CCNY: variants seen among roughly 807,000 people sequenced by gnomAD.
CCNY encodes cyclin-Y.
A neutral mutation model predicts 42.8 loss-of-function variants in CCNY; 19 were observed. The observed-to-expected ratio is 0.44, with a 90% CI of 0.31 to 0.65. The LOEUF (loss-of-function observed/expected upper bound fraction) is 0.65. Ranked by LOEUF, CCNY falls within the 30% of genes least tolerant of loss-of-function variation. The probability of loss-of-function intolerance (pLI) is 0.07; values close to 1 mark genes in which losing one functional copy is unlikely to be tolerated. For synonymous variants in CCNY, 165 were observed against 162.7 expected, an observed-to-expected ratio of 1.01 and a Z score of -0.11; for missense variants, 370 against 437.3, an observed-to-expected ratio of 0.85 and a Z score of 1.37.
intron 1 of CCNY, among the ~76,000 whole-genome samples, chr10:35,397,745 A>G (rs1370167440): frequency 6.6e-6 from 1 of 152,166 alleles, no homozygotes; most frequent in Non-Finnish European, 1.5e-5. Flanking sequence ...ATGGAGCTCT[A>G]TCAGAAATGG....
At chr10:35,273,811 C>CACAA (rs2135046111) in intron 3 of CCNY, among the ~76,000 whole-genome samples, 1 of 152,270 alleles carries the variant, frequency 6.6e-6, no homozygotes, top group African/African-American at 2.4e-5. Flanking sequence ...CTGGGCTTAC[C>CACAA]ACAAACTCCC....
At chr10:35,456,779 A>AAT (rs1448569034) in intron 1 of CCNY, among the ~76,000 whole-genome samples, 2 of 152,190 alleles carry the variant, frequency 1.3e-5, no homozygotes, top group African/African-American at 4.8e-5. Context: ...TTTCCCTTAA[A>AAT]ATATATATCA....
chr10:35,270,728 CT>C (rs11411285), intron 3 of CCNY, among the ~76,000 whole-genome samples: 78 of 124,722 alleles, frequency 6.3e-4, no homozygotes, highest in South Asian at 1.0e-3. Flanking sequence ...TTTTTTTTTT[CT>C]TTTTTTTTTT....
At chr10:35,474,242 G>C (rs958927039) in intron 1 of CCNY, among the ~76,000 whole-genome samples, 2 of 152,210 alleles carry the variant, frequency 1.3e-5, no homozygotes, top group African/African-American at 4.8e-5. Flanking sequence ...CATTGCCCAC[G>C]CTTGCTTAGG....
At chr10:35,478,332 T>G (rs1839569584) in intron 1 of CCNY, among the ~76,000 whole-genome samples, 1 of 151,838 alleles carries the variant, frequency 6.6e-6, no homozygotes, top group Admixed American at 6.6e-5. Flanking sequence ...CATCACCAAG[T>G]CAATCCTAAG....
At chr10:35,491,787 G>A (rs1426103473) in intron 2 of CCNY, among the ~76,000 whole-genome samples, 3 of 151,942 alleles carry the variant, frequency 2.0e-5, no homozygotes. Flanking sequence ...CTAATTTTTT[G>A]TATTTTTAGT....
intron 7 of CCNY, among the ~76,000 whole-genome samples, chr10:35,548,101 AC>A (rs1841155287): frequency 6.6e-6 from 1 of 151,580 alleles, no homozygotes; most frequent in Non-Finnish European, 1.5e-5. Flanking sequence ...GTAACTTTTG[AC>A]CCCCCAAAAC....
intron 3 of CCNY, among the ~76,000 whole-genome samples, chr10:35,515,729 T>A (rs994299874): frequency 2.0e-5 from 3 of 152,248 alleles, no homozygotes; most frequent in African/African-American, 7.2e-5. Flanking sequence ...TGTGTACTAA[T>A]CATATTGCCC....
chr10:35,318,226 CTAAATAAA>C (rs550041080), intron 3 of CCNY, among the ~76,000 whole-genome samples: 91 of 151,158 alleles, frequency 6.0e-4, no homozygotes, highest in African/African-American at 1.2e-3. Context: ...GACCCTATTT[CTAAATAAA>C]TAAATAAATA....
At chr10:35,493,805 C>T (rs891975598) in intron 2 of CCNY, among the ~76,000 whole-genome samples, 6 of 152,108 alleles carry the variant, frequency 3.9e-5, no homozygotes, top group African/African-American at 9.7e-5. Context: ...ATCAAAGCAC[C>T]GAGCCCTGTA....
At chr10:35,477,705 G>A (rs1839549016) in intron 1 of CCNY, among the ~76,000 whole-genome samples, 2 of 150,934 alleles carry the variant, frequency 1.3e-5, no homozygotes, top group South Asian at 2.1e-4. Context: ...AAAACTGGAA[G>A]CATTCCCTTT....
At chr10:35,552,887 A>T in intron 7 of CCNY, 132 bp from the exon 8 acceptor site, 1 of 971,798 alleles carries the variant, frequency 1.0e-6, no homozygotes, top group Non-Finnish European at 1.5e-6. Context: ...TTGGCCTTTT[A>T]AAAATAAATG....
chr10:35,526,404 A>G (rs1390822167), intron 5 of CCNY, among the ~76,000 whole-genome samples: 3 of 152,242 alleles, frequency 2.0e-5, no homozygotes, highest in African/African-American at 4.8e-5. Context: ...AAATTTAGGC[A>G]TGAACTATTT....
intron 1 of CCNY, among the ~76,000 whole-genome samples, chr10:35,406,570 C>A (rs551247703): frequency 1.3e-5 from 2 of 152,132 alleles, no homozygotes; most frequent in Non-Finnish European, 2.9e-5. Context: ...CAACAGGATC[C>A]CAAGGCAGAA....
chr10:35,339,125 G>A lies in CCNY; in HGVS notation c.154+1918G>A, dbSNP rs1247475608. On this transcript the variant is annotated intron_variant, in intron 1 of 9. Transcript: ENST00000374704. ...CCCAGATCCCAGTTCATATGATTATGCTAGTTTAAACCCCGAAATATTAAT... is the reference window on the plus strand; with the variant it reads ...CCCAGATCCCAGTTCATATGATTATACTAGTTTAAACCCCGAAATATTAAT... Among the ~76,000 whole-genome samples the A allele has an allele frequency of 2.6e-5, 4 of 152,174 alleles. No homozygotes were observed. The East Asian group carries it at 7.7e-4, about 29-fold the overall frequency.
chr10:35,377,508 G>A (rs1175103347), intron 1 of CCNY, among the ~76,000 whole-genome samples: 2 of 152,146 alleles, frequency 1.3e-5, no homozygotes, highest in South Asian at 4.1e-4. Context: ...TGACTATCTA[G>A]GTTTGTGTAA....
chr10:35,341,416 C>T lies in CCNY; in HGVS notation c.154+4209C>T, dbSNP rs1836179496. 2.0e-5 allele frequency among the ~76,000 whole-genome samples: 3 copies of T among 152,228 alleles called. No homozygotes were observed. The South Asian group carries it at 6.2e-4, about 32-fold the overall frequency. Reference sequence around the variant, plus strand: ...AATCCCAATGCATATTCCCTGCACTCCTGTTTCTTTATTCCTTAACACTTT... The same window carrying T: ...AATCCCAATGCATATTCCCTGCACTTCTGTTTCTTTATTCCTTAACACTTT... On this transcript the variant is annotated intron_variant, in intron 1 of 9. Transcript: ENST00000374704.
At chr10:35,470,677 C>T (rs117094077) in intron 1 of CCNY, among the ~76,000 whole-genome samples, 2,627 of 152,294 alleles carry the variant, frequency 0.017, 30 homozygotes, top group Non-Finnish European at 0.029. Context: ...CACTTGGCTG[C>T]GGCAGCCACA....
intron 1 of CCNY, among the ~76,000 whole-genome samples, chr10:35,482,736 G>A (rs1052726014): frequency 5.6e-5 from 8 of 143,632 alleles, no homozygotes; most frequent in Non-Finnish European, 9.0e-5. Flanking sequence ...TTTCTCAAGG[G>A]AAGCTGGAAA....
Sources: gnomAD v4.1 joint callset for allele counts (sites outside exome capture counted in the v4.1 genomes callset) on GRCh38, gnomAD v4.1.1 for gene constraint, MANE v1.5 for transcripts, NCBI Gene and HGNC (gene_info 2026-07-23, HGNC 2026-07-21) for gene names.